Variants in TBC1D19 observed in about 807,000 individuals in gnomAD.
The protein encoded by TBC1D19 is TBC1 domain family, member 19.
TBC1D19 carries 60 observed loss-of-function variants against 89.0 expected under a neutral mutation model. The observed-to-expected ratio is 0.67, with a 90% CI of 0.55 to 0.84. The LOEUF (loss-of-function observed/expected upper bound fraction) is 0.84. TBC1D19 is among the 40% of genes least tolerant of loss of function. TBC1D19 has a pLI of 0.00. For missense variants in TBC1D19, 500 were observed against 610.8 expected, an observed-to-expected ratio of 0.82 and a Z score of 1.91; for synonymous variants, 189 against 199.7, an observed-to-expected ratio of 0.95 and a Z score of 0.45.
the TBC1D19 span, among the ~76,000 whole-genome samples, chr4:26,765,865 T>A: frequency 1.3e-5 from 2 of 152,174 alleles, no homozygotes; most frequent in South Asian, 4.1e-4. Context: ...ACTTCGGGCA[T>A]GGGGAGGGAT....
chr4:26,754,056 C>A, intron 20 of TBC1D19, 166 bp downstream of exon 20: 3 of 591,402 alleles, frequency 5.1e-6, no homozygotes, highest in Non-Finnish European at 8.8e-6. Context: ...ATTCAAATTT[C>A]TTTAATTACT....
chr4:26,845,040 G>C, the TBC1D19 span, among the ~76,000 whole-genome samples: 1 of 152,020 alleles, frequency 6.6e-6, no homozygotes, highest in Non-Finnish European at 1.5e-5. Context: ...TTAAAATCCT[G>C]TATAAATATT....
At chr4:26,680,163 T>C (rs1713205727) in intron 11 of TBC1D19, among the ~76,000 whole-genome samples, 1 of 152,168 alleles carries the variant, frequency 6.6e-6, no homozygotes, top group African/African-American at 2.4e-5. Flanking sequence ...TCCACGGCCA[T>C]GTGGAAGTGT....
At chr4:26,624,470 A>G (rs1742261684) in intron 4 of TBC1D19, among the ~76,000 whole-genome samples, 1 of 152,080 alleles carries the variant, frequency 6.6e-6, no homozygotes, top group Admixed American at 6.6e-5. Flanking sequence ...TCAGCCTCCC[A>G]AAGTGCTGGG....
At chr4:26,724,973 C>A (rs1455854735) in intron 15 of TBC1D19, among the ~76,000 whole-genome samples, 1 of 152,210 alleles carries the variant, frequency 6.6e-6, no homozygotes, top group Non-Finnish European at 1.5e-5. Context: ...TGCCTCTTGG[C>A]AGGCCATGTC....
chr4:26,815,880 A>G, the TBC1D19 span, among the ~76,000 whole-genome samples: 4 of 152,306 alleles, frequency 2.6e-5, no homozygotes, highest in Admixed American at 1.3e-4. Context: ...GAAAGCCTAC[A>G]TAGGACTAGG....
the TBC1D19 span, among the ~76,000 whole-genome samples, chr4:26,811,768 C>G: frequency 6.6e-6 from 1 of 152,210 alleles, no homozygotes; most frequent in Non-Finnish European, 1.5e-5. Context: ...AGGTAACTTC[C>G]TGACATTGCC....
rs1307401141 is a variant in TBC1D19 at position 26,663,356 on chromosome 4, G to A, written c.592-2977G>A. 2.6e-5 allele frequency among the ~76,000 whole-genome samples: 4 copies of A among 152,098 alleles called. No individual in the cohort carries two copies. The East Asian group carries it at 5.8e-4, about 22-fold the overall frequency. ...TAAGAATTAATGATGACTGAAGGAC[G>A]GAAAGAATGTGCATGAGCTAAAATC... On this transcript the variant is annotated intron_variant, in intron 8 of 20. Coordinates refer to ENST00000264866, the MANE Select transcript of TBC1D19 (RefSeq NM_018317.4).
chr4:26,682,135 A>G (rs1389073763), intron 11 of TBC1D19, among the ~76,000 whole-genome samples: 1 of 152,170 alleles, frequency 6.6e-6, no homozygotes, highest in East Asian at 1.9e-4. Context: ...AAACCCCTAA[A>G]CGTAGCTTTT....
chr4:26,750,816 A>G (rs567862921), intron 19 of TBC1D19, among the ~76,000 whole-genome samples: 3 of 152,344 alleles, frequency 2.0e-5, no homozygotes, highest in African/African-American at 7.2e-5. Context: ...ATGTAAATGT[A>G]TACAAATTAG....
chr4:26,598,173 C>T (rs1159765242), intron 1 of TBC1D19, among the ~76,000 whole-genome samples: 5 of 152,196 alleles, frequency 3.3e-5, no homozygotes, highest in Non-Finnish European at 7.4e-5. Context: ...GATAGTATTA[C>T]AAATAAGTAT....
intron 3 of TBC1D19, among the ~76,000 whole-genome samples, chr4:26,620,140 C>T (rs1424756768): frequency 6.6e-6 from 1 of 152,120 alleles, no homozygotes; most frequent in Non-Finnish European, 1.5e-5. Flanking sequence ...CAAGCATTAC[C>T]TCCTCAGAAT....
intron 19 of TBC1D19, among the ~76,000 whole-genome samples, chr4:26,752,653 G>T (rs1414730429): frequency 6.6e-6 from 1 of 152,178 alleles, no homozygotes; most frequent in Non-Finnish European, 1.5e-5. Flanking sequence ...TCAAGAGTTA[G>T]CTCCAAGCAG....
chr4:26,843,518 A>G, the TBC1D19 span, among the ~76,000 whole-genome samples: 5 of 151,852 alleles, frequency 3.3e-5, no homozygotes, highest in Non-Finnish European at 7.4e-5. Context: ...CATATACTAT[A>G]TTACAATTTT....
chr4:26,735,122 GTGTGTGTATATTTGTATACACATA>G (rs1344705096), intron 15 of TBC1D19, among the ~76,000 whole-genome samples: 3 of 146,922 alleles, frequency 2.0e-5, no homozygotes, highest in South Asian at 2.1e-4. Flanking sequence ...GTATACACAT[GTGTGTGTATATTTGTATACACATA>G]TGTGTGTATG....
intron 4 of TBC1D19, among the ~76,000 whole-genome samples, chr4:26,626,997 T>C (rs1218335957): frequency 1.3e-5 from 2 of 151,688 alleles, no homozygotes; most frequent in Non-Finnish European, 3.0e-5. Context: ...CATTAACTCG[T>C]CATTTAGCAT....
chr4:26,773,037 C>T, the TBC1D19 span, among the ~76,000 whole-genome samples: 11 of 152,176 alleles, frequency 7.2e-5, no homozygotes, highest in African/African-American at 2.2e-4. Context: ...TGAGGAATCA[C>T]CACACTATCT....
chr4:26,702,396 A>G (rs1218615980), intron 13 of TBC1D19: 1 of 152,326 alleles, frequency 6.6e-6, no homozygotes, highest in Non-Finnish European at 1.5e-5. Flanking sequence ...AAAAATACTG[A>G]TTCTTATACT....
the TBC1D19 span, among the ~76,000 whole-genome samples, chr4:26,825,997 T>A: frequency 2.0e-5 from 3 of 151,282 alleles, no homozygotes; most frequent in Non-Finnish European, 4.4e-5. Flanking sequence ...AGGTCAGGAG[T>A]TCAAGACCAA....
Sources: gnomAD v4.1 joint callset for allele counts (sites outside exome capture counted in the v4.1 genomes callset) on GRCh38, gnomAD v4.1.1 for gene constraint, MANE v1.5 for transcripts, NCBI Gene and HGNC (gene_info 2026-07-23, HGNC 2026-07-21) for gene names.